The following PRTG variants were observed in gnomAD, a reference collection of about 807,000 sequenced individuals.
PRTG encodes the protein protogenin, also known as immunoglobulin superfamily, DCC subclass, member 5.
Under a neutral mutation model 122.5 loss-of-function variants are expected in PRTG, and 67 were observed. The observed-to-expected ratio is 0.55, with a 90% CI of 0.45 to 0.67. The LOEUF is 0.67. Ranked by LOEUF, PRTG falls within the 30% of genes least tolerant of loss-of-function variation. PRTG has a pLI of 0.00. For synonymous variants in PRTG, 554 were observed against 501.1 expected, an observed-to-expected ratio of 1.11 and a Z score of -1.41; for missense variants, 1,435 against 1,415.4, an observed-to-expected ratio of 1.01 and a Z score of -0.22.
chr15:55,618,070 T>G lies in PRTG; in HGVS notation c.*1942A>C, dbSNP rs1431436278. The G allele has an allele frequency of 2.0e-5, 3 of 152,190 alleles. No individual in the cohort carries two copies. Among genetic ancestry groups the G allele is most frequent in the Non-Finnish European group, 4.4e-5 (3 of 68,030 alleles). 9.4% of individuals were successfully genotyped at this position (152,190 alleles called of 1,614,324 possible). ...TAAAGGCAGGAGCAGCATTTTTCCT[T>G]GCTGCAGACTGTTCACCTAAAGCTC... is the stretch of plus-strand genomic sequence containing the variant. On this transcript the variant is annotated 3_prime_UTR_variant, in exon 20 of 20. Transcript: ENST00000389286.
At chr15:55,654,016 C>T (rs959779273) in intron 11 of PRTG, among the ~76,000 whole-genome samples, 3 of 152,110 alleles carry the variant, frequency 2.0e-5, no homozygotes, top group African/African-American at 7.2e-5. Context: ...AGATTTCTAC[C>T]TGAACTTTGC....
intron 9 of PRTG, 75 bp from the exon 10 acceptor site, chr15:55,673,751 T>A: frequency 9.0e-7 from 1 of 1,117,310 alleles, no homozygotes; most frequent in Non-Finnish European, 1.3e-6. Flanking sequence ...GTAACTGAAT[T>A]CTCTTAATTA....
intron 11 of PRTG, among the ~76,000 whole-genome samples, chr15:55,665,900 G>T (rs192174659): frequency 2.6e-5 from 4 of 152,090 alleles, no homozygotes; most frequent in Non-Finnish European, 4.4e-5. Flanking sequence ...TTTGTGACAC[G>T]TCAAAATTAT....
At chr15:55,700,997 T>C (rs1376903542) in intron 2 of PRTG, among the ~76,000 whole-genome samples, 1 of 152,120 alleles carries the variant, frequency 6.6e-6, no homozygotes, top group Admixed American at 6.5e-5. Context: ...GGAAAACACA[T>C]GAATGGCAAC....
rs34570738 is a variant in PRTG at position 55,622,623 on chromosome 15, C to T, written c.3093+1719G>A. On this transcript the variant is annotated intron_variant, in intron 18 of 19. Transcript: ENST00000389286. ...AGCTAGGATGGTCTCGATCTCCTGA[C>T]CTCGTGATCCGCCCGCCTTGGTCTC... Among the ~76,000 whole-genome samples the T allele has an allele frequency of 6.4e-3, 977 of 151,982 alleles. 3 individuals carry two copies. Among genetic ancestry groups the T allele is most frequent in the Admixed American group, 0.015 (236 of 15,240 alleles).
At chr15:55,660,250 A>G (rs1452267201) in intron 11 of PRTG, among the ~76,000 whole-genome samples, 1 of 152,204 alleles carries the variant, frequency 6.6e-6, no homozygotes, top group Non-Finnish European at 1.5e-5. Flanking sequence ...TTTTTTTAAG[A>G]AACTTTAAAC....
intron 2 of PRTG, among the ~76,000 whole-genome samples, chr15:55,702,229 A>C (rs1348141260): frequency 2.0e-5 from 3 of 152,260 alleles, no homozygotes; most frequent in Admixed American, 1.3e-4. Context: ...TGACTCCTAG[A>C]GACTATCTTC....
At chr15:55,621,509 AT>A (rs1447150732) in intron 18 of PRTG, among the ~76,000 whole-genome samples, 2 of 152,050 alleles carry the variant, frequency 1.3e-5, no homozygotes, top group Non-Finnish European at 2.9e-5. Context: ...TACAAAAAAA[AT>A]TAGCTGGGCA....
chr15:55,669,779 T>C lies in PRTG; in HGVS notation c.2041+2666A>G, dbSNP rs376884954. 5.3e-5 allele frequency among the ~76,000 whole-genome samples: 8 copies of C among 152,344 alleles called. No homozygotes were observed. The South Asian group carries it at 1.4e-3, about 28-fold the overall frequency. On this transcript the variant is annotated intron_variant, in intron 11 of 19. Coordinates refer to ENST00000389286, the MANE Select transcript of PRTG (RefSeq NM_173814.6). The stretch of plus-strand genomic sequence containing the variant: ...CTCCAGGGGTGCGGAACCTGCTGTC[T>C]AACAAGAAAGTCTCTACAGCTGCAA...
chr15:55,717,770 T>A (rs2030652633), intron 2 of PRTG, among the ~76,000 whole-genome samples: 1 of 152,244 alleles, frequency 6.6e-6, no homozygotes, highest in Admixed American at 6.5e-5. Flanking sequence ...TCCAGCATTT[T>A]AAAGTTAACT....
At chr15:55,661,693 C>G (rs537204597) in intron 11 of PRTG, among the ~76,000 whole-genome samples, 1 of 152,062 alleles carries the variant, frequency 6.6e-6, no homozygotes, top group South Asian at 2.1e-4. Context: ...CTCAAGAAAA[C>G]CACTAAATAT....
At chr15:55,631,399 C>T (rs1438722545) in intron 15 of PRTG, among the ~76,000 whole-genome samples, 1 of 152,148 alleles carries the variant, frequency 6.6e-6, no homozygotes, top group Non-Finnish European at 1.5e-5. Context: ...GAAACTAAGT[C>T]TTTTCACTTA....
In PRTG at chr15:55,616,990, T is replaced by C. The variant is rs759684685; in HGVS notation, c.*3022A>G. ...CATAAAAATGACATGCAGGTATCAG[T>C]ACTTACAGCAAATACATCTTTGGAA... is the stretch of plus-strand genomic sequence containing the variant. On this transcript the variant is annotated 3_prime_UTR_variant, in exon 20 of 20. Coordinates refer to ENST00000389286, the MANE Select transcript of PRTG (RefSeq NM_173814.6). 1 of 152,150 alleles carries C rather than the reference T, an allele frequency of 6.6e-6. No homozygotes were observed. Among genetic ancestry groups the C allele is most frequent in the Non-Finnish European group, 1.5e-5 (1 of 67,992 alleles). 9.4% of individuals were successfully genotyped at this position (152,150 alleles called of 1,614,324 possible).
At chr15:55,673,242 T>G in intron 10 of PRTG, 129 bp downstream of exon 10, 1 of 716,646 alleles carries the variant, frequency 1.4e-6, no homozygotes, top group Non-Finnish European at 2.2e-6. Flanking sequence ...TTTTTTCAAT[T>G]AAGTCCATCA....
intron 14 of PRTG, among the ~76,000 whole-genome samples, 199 bp downstream of exon 14, chr15:55,638,350 A>G (rs1215522562): frequency 6.6e-6 from 1 of 152,220 alleles, no homozygotes; most frequent in East Asian, 1.9e-4. Context: ...CTTGCACAAT[A>G]CACACACTGA....
intron 16 of PRTG, 91 bp from the exon 17 acceptor site, chr15:55,627,219 CTTT>C (rs1330895478): frequency 1.2e-6 from 1 of 863,884 alleles, no homozygotes; most frequent in Non-Finnish European, 1.6e-6. Context: ...CAAAATTTTT[CTTT>C]ATCTCATAGG....
At chr15:55,713,854 C>G (rs1462838609) in intron 2 of PRTG, among the ~76,000 whole-genome samples, 1 of 152,058 alleles carries the variant, frequency 6.6e-6, no homozygotes, top group Non-Finnish European at 1.5e-5. Flanking sequence ...TGTCTTGTTG[C>G]TACATTACTG....
intron 15 of PRTG, among the ~76,000 whole-genome samples, chr15:55,630,131 C>T (rs998438450): frequency 3.9e-5 from 6 of 151,998 alleles, no homozygotes; most frequent in Non-Finnish European, 8.8e-5. Context: ...GGACTATAGG[C>T]GCCCGCCACC....
intron 16 of PRTG, among the ~76,000 whole-genome samples, chr15:55,628,252 G>A (rs1222199490): frequency 2.0e-5 from 3 of 152,180 alleles, no homozygotes; most frequent in South Asian, 4.1e-4. Context: ...CCAGAGAGGA[G>A]GCAAAGGCAG....
Sources: gnomAD v4.1 joint callset for allele counts (sites outside exome capture counted in the v4.1 genomes callset) on GRCh38, gnomAD v4.1.1 for gene constraint, MANE v1.5 for transcripts, NCBI Gene and HGNC (gene_info 2026-07-23, HGNC 2026-07-21) for gene names.